Variants in TNNI3K observed in about 807,000 individuals in gnomAD.
TNNI3K encodes the protein TNNI3 interacting kinase.
In TNNI3K, 140 loss-of-function variants were observed where a neutral mutation model predicts 114.5. That is an observed-to-expected ratio of 1.22 (90% CI 1.07 to 1.41). TNNI3K has a LOEUF of 1.41. TNNI3K is among the 40% of genes most tolerant of loss of function. The pLI is 0.00. For missense variants in TNNI3K, 1,125 were observed against 1,007.6 expected, an observed-to-expected ratio of 1.12 and a Z score of -1.58; for synonymous variants, 347 against 347.5, an observed-to-expected ratio of 1.00 and a Z score of 0.02.
chr1:74,504,756 C>T (rs1455029423), intron 23 of TNNI3K, among the ~76,000 whole-genome samples: 1 of 152,044 alleles, frequency 6.6e-6, no homozygotes, highest in Non-Finnish European at 1.5e-5. Context: ...TGAGATGCAG[C>T]TCTCACCGTG....
At chr1:74,473,620 G>T (rs1180371049) in intron 21 of TNNI3K, among the ~76,000 whole-genome samples, 2 of 151,816 alleles carry the variant, frequency 1.3e-5, no homozygotes, top group Non-Finnish European at 2.9e-5. Context: ...GCTCCTAAGG[G>T]TGGGGATACT....
intron 5 of TNNI3K, among the ~76,000 whole-genome samples, chr1:74,306,768 T>C (rs1658667572): frequency 6.6e-6 from 1 of 152,214 alleles, no homozygotes; most frequent in Non-Finnish European, 1.5e-5. Flanking sequence ...TAATCTTTTG[T>C]TGGATGCATA....
At chr1:74,359,651 T>C (rs571618999) in intron 11 of TNNI3K, among the ~76,000 whole-genome samples, 201 of 152,180 alleles carry the variant, frequency 1.3e-3, no homozygotes, top group African/African-American at 4.7e-3. Context: ...GACATTATTC[T>C]AATGTGCGTA....
chr1:74,483,441 A>C, intron 21 of TNNI3K: 2 of 673,896 alleles, frequency 3.0e-6, no homozygotes, highest in Admixed American at 2.1e-5. Flanking sequence ...ATTTCTGTAC[A>C]TACAGGTCAT....
intron 11 of TNNI3K, among the ~76,000 whole-genome samples, chr1:74,354,979 A>G (rs1661575352): frequency 6.6e-6 from 1 of 152,194 alleles, no homozygotes; most frequent in South Asian, 2.1e-4. Context: ...TGTAATTGTT[A>G]TTGAGATATA....
intron 20 of TNNI3K, among the ~76,000 whole-genome samples, chr1:74,447,017 G>T (rs1416177372): frequency 7.9e-6 from 1 of 125,988 alleles, no homozygotes; most frequent in Admixed American, 8.6e-5. Flanking sequence ...TTGACTTGGC[G>T]ATGCGGGCTC....
intron 5 of TNNI3K, among the ~76,000 whole-genome samples, chr1:74,326,089 A>G (rs1343515366): frequency 6.6e-6 from 1 of 152,190 alleles, no homozygotes; most frequent in African/African-American, 2.4e-5. Flanking sequence ...TGGTATAAGC[A>G]TGAATTTGAA....
chr1:74,470,331 T>A lies in TNNI3K; in HGVS notation c.2121+6781T>A, dbSNP rs1344812142. 2.5e-5 allele frequency: 10 copies of A among 400,632 alleles called. No homozygotes were observed. In the South Asian group the frequency reaches 1.0e-3, roughly 40 times the overall value. The allele number at this position is 400,632 out of a possible 1,614,324, so 24.8% of individuals were successfully genotyped here. ...TTAAGGTCATTTGTGAGATCTGAGT[T>A]AACATACTAGAATCTGTCTTGCTTT... On this transcript the variant is annotated intron_variant, in intron 21 of 24. Transcript: ENST00000326637.
intron 20 of TNNI3K, among the ~76,000 whole-genome samples, chr1:74,458,632 A>T (rs1667324452): frequency 6.6e-6 from 1 of 152,214 alleles, no homozygotes; most frequent in Non-Finnish European, 1.5e-5. Context: ...ATAATAATGA[A>T]TAAGATATTT....
intron 4 of TNNI3K, among the ~76,000 whole-genome samples, chr1:74,266,851 T>G (rs1173440004): frequency 6.6e-6 from 1 of 151,950 alleles, no homozygotes; most frequent in Non-Finnish European, 1.5e-5. Context: ...TTTTATCCAT[T>G]TACATACATT....
At chr1:74,346,614 T>A (rs1224566848) in intron 9 of TNNI3K, among the ~76,000 whole-genome samples, 2 of 150,570 alleles carry the variant, frequency 1.3e-5, no homozygotes, top group African/African-American at 2.5e-5. Context: ...TTTCATCACC[T>A]CCTCCCTTCT....
At chr1:74,543,810 G>T (rs1156909604) in intron 24 of TNNI3K, 96 bp from the exon 25 acceptor site, 1 of 1,373,516 alleles carries the variant, frequency 7.3e-7, no homozygotes, top group Non-Finnish European at 1.0e-6. Context: ...CTGTTCACAT[G>T]ATCTGGAAGA....
intron 20 of TNNI3K, among the ~76,000 whole-genome samples, chr1:74,446,060 T>C (rs997001456): frequency 3.3e-5 from 5 of 151,948 alleles, no homozygotes; most frequent in Admixed American, 2.6e-4. Flanking sequence ...TACCCAGTAA[T>C]GGGATGGCTG....
chr1:74,239,246 G>C (rs1654039923), intron 2 of TNNI3K, among the ~76,000 whole-genome samples: 1 of 152,038 alleles, frequency 6.6e-6, no homozygotes, highest in African/African-American at 2.4e-5. Flanking sequence ...ATTGCTTCCA[G>C]GGCAGAGTTC....
rs992610079 is a variant in TNNI3K, at chr1:74,416,259, A to G, written c.1773-19821A>G. 7 of 984,780 alleles carry G rather than the reference A, an allele frequency of 7.1e-6. No individual in the cohort carries two copies. The African/African-American group carries it at 8.7e-5, about 12-fold the overall frequency. 61.0% of individuals were successfully genotyped at this position (984,780 alleles called of 1,614,324 possible). A position where few individuals can be genotyped will look rare whatever the true frequency, so the allele number is the denominator to read the frequency against. ...AAAGCAGAGTCAAATTTTCAAGTGA[A>G]GGATTCATAGCAAAGTCGGGTGATA... On this transcript the variant is annotated intron_variant, in intron 17 of 24. Transcript: ENST00000326637.
intron 5 of TNNI3K, among the ~76,000 whole-genome samples, chr1:74,285,867 A>G: frequency 6.6e-6 from 1 of 152,324 alleles, no homozygotes; most frequent in East Asian, 1.9e-4. Flanking sequence ...ACTTCAAACA[A>G]ATTAGTCTTA....
rs147262867 is a variant in TNNI3K, at chr1:74,371,443, T to A, written c.1772+1051T>A. The A allele has an allele frequency of 2.1e-3, 321 of 151,886 alleles. 2 individuals carry two copies. The highest frequency in any genetic ancestry group is 0.01 in the Middle Eastern group (3 of 294). The allele number at this position is 151,886 out of a possible 1,614,324, so 9.4% of individuals were successfully genotyped here. A position where few individuals can be genotyped will look rare whatever the true frequency, so the allele number is the denominator to read the frequency against. Reference sequence around the variant, plus strand: ...TATATACAAGATTTAGTACAAAAATTTCAGGAACAAGAATATTAATTGCTT... The same window carrying A: ...TATATACAAGATTTAGTACAAAAATATCAGGAACAAGAATATTAATTGCTT... On this transcript the variant is annotated intron_variant, in intron 17 of 24. Coordinates refer to ENST00000326637, the MANE Select transcript of TNNI3K (RefSeq NM_015978.3).
intron 20 of TNNI3K, among the ~76,000 whole-genome samples, chr1:74,461,019 A>T (rs757824437): frequency 8.5e-5 from 13 of 152,198 alleles, no homozygotes; most frequent in Non-Finnish European, 1.6e-4. Flanking sequence ...TAGACTATGC[A>T]CAACTATTTT....
intron 5 of TNNI3K, among the ~76,000 whole-genome samples, chr1:74,273,607 T>A (rs1409824625): frequency 1.3e-5 from 2 of 151,982 alleles, no homozygotes; most frequent in African/African-American, 2.4e-5. Flanking sequence ...TTTCTTCATC[T>A]CCTATTCAAA....
Sources: gnomAD v4.1 joint callset for allele counts (sites outside exome capture counted in the v4.1 genomes callset) on GRCh38, gnomAD v4.1.1 for gene constraint, MANE v1.5 for transcripts, NCBI Gene and HGNC (gene_info 2026-07-23, HGNC 2026-07-21) for gene names.